The following MIB2 variants were observed in gnomAD, a reference collection of about 807,000 sequenced individuals.
MIB2 encodes E3 ubiquitin-protein ligase MIB2.
In MIB2, 78 loss-of-function variants were observed where a neutral mutation model predicts 96.6. That is an observed-to-expected ratio of 0.81 (90% CI 0.67 to 0.97). MIB2 has a LOEUF of 0.97. Ranked by LOEUF, MIB2 falls within the 50% of genes least tolerant of loss-of-function variation. The pLI, the probability that MIB2 is intolerant of heterozygous loss-of-function variation, is 0.00. For missense variants in MIB2, 1,543 were observed against 1,424.0 expected (o/e 1.08, Z -1.35); for synonymous variants, 820 against 629.5 (o/e 1.30, Z -4.53).
At chr1:1,620,837 G>A (rs1267205117) in intron 2 of MIB2, among the ~76,000 whole-genome samples, 1 of 152,240 alleles carries the variant, frequency 6.6e-6, no homozygotes, top group Non-Finnish European at 1.5e-5. Context: ...TGGGGCAGGA[G>A]GGAGTGACCT....
At chr1:1,620,064 G>A (rs919421075) in intron 2 of MIB2, among the ~76,000 whole-genome samples, 2 of 152,226 alleles carry the variant, frequency 1.3e-5, no homozygotes, top group Non-Finnish European at 2.9e-5. Flanking sequence ...TGACCTCCCC[G>A]ACATCTCTGC....
chr1:1,628,285 G>A lies in MIB2; in HGVS notation c.1854G>A (p.Lys618=). ...CCCTGCTCCACAGAGCTGTGAGAAA[G>A]ATTCTGGCTCGGGCGCGGCAGCTGG... is the stretch of plus-strand genomic sequence containing the variant. ...SLKGHALAVR[K]ILARARQLVD... Residue 618 remains lysine (K), a synonymous_variant, in exon 15 of 20, where the codon AAG becomes AAA. Transcript: ENST00000355826. The A allele has an allele frequency of 6.2e-7, 1 of 1,613,076 alleles. No homozygotes were observed. The highest frequency in any genetic ancestry group is 8.5e-7 in the Non-Finnish European group (1 of 1,179,976).
Position 1,623,450 on chromosome 1 carries a change from A to C in MIB2, c.-3A>C. 1 of 1,600,788 alleles carries C rather than the reference A, an allele frequency of 6.2e-7. No individual in the cohort carries two copies. The highest frequency in any genetic ancestry group is 8.5e-7 in the Non-Finnish European group (1 of 1,175,266). ...CCACAGGTCCCGAGCAGCCCCGCCC[A>C]ACATGGACCCAGACCCCCAGGCGGG... On this transcript the variant is annotated 5_prime_UTR_variant, in exon 3 of 20. Coordinates refer to ENST00000355826, the MANE Select transcript of MIB2 (RefSeq NM_001170687.4).
chr1:1,625,463 G>T lies in MIB2; in HGVS notation c.864+35G>T. The T allele has an allele frequency of 6.4e-7, 1 of 1,556,176 alleles. No homozygotes were observed. The highest frequency in any genetic ancestry group is 8.7e-7 in the Non-Finnish European group (1 of 1,149,252). ...CCCGCCGTGGAGCCCTGTGTGCCCT[G>T]CCCTCCCAGCCCTCCGCCCCCTCAG... On this transcript the variant is annotated intron_variant, in intron 7 of 19. Transcript: ENST00000355826. This position sits in a 1 kb window ranked among gnomAD's most constrained non-coding sequence, Gnocchi z 5.0.
chr1:1,629,391 G>A lies in MIB2; in HGVS notation c.2388G>A (p.Arg796=). The change falls in exon 18 of 20, where the codon CGG becomes CGA. Residue 796 remains arginine, a synonymous_variant. Coordinates refer to ENST00000355826, the MANE Select transcript of MIB2 (RefSeq NM_001170687.4). The stretch of plus-strand genomic sequence containing the variant: ...CCGCCTCCTCCCCCTGCAGGGAGCG[G>A]CAGGCGGGCGGGGGCGCGGCCCCGG... The part of the protein sequence containing the change: ...LQGCAQRFRE[R]QAGGGAAPGP... 2 of 1,443,318 alleles carry A rather than the reference G, an allele frequency of 1.4e-6. No individual in the cohort carries two copies. The highest frequency in any genetic ancestry group is 1.8e-6 in the Non-Finnish European group (2 of 1,111,268). The allele number at this position is 1,443,318 out of a possible 1,614,324, so 89.4% of individuals were successfully genotyped here.
At position 1,623,501 on chromosome 1, in the gene MIB2, C is replaced by T. The variant is rs913375237; in HGVS notation, c.49C>T (p.Arg17Cys). The T allele has an allele frequency of 3.8e-6, 6 of 1,567,848 alleles. No individual in the cohort carries two copies. Among genetic ancestry groups the T allele is most frequent in the East Asian group, 2.4e-5 (1 of 42,252 alleles). ...AGVQVGMRVV[R>C]GVDWKWGQQD... ...CGTGCAGGTGGGCATGCGGGTGGTG[C>T]GCGGCGTGGACTGGAAGTGGGGCCA... Residue 17 changes from arginine to cysteine, a missense_variant, in exon 3 of 20, where the codon CGC becomes TGC. By Grantham distance (180) the Arg-to-Cys change is radical. Coordinates refer to ENST00000355826, the MANE Select transcript of MIB2 (RefSeq NM_001170687.4).
In MIB2 at chr1:1,624,626, G is replaced by C. The variant is rs1338279958; in HGVS notation, c.420-169G>C. 1.3e-5 allele frequency: 9 copies of C among 696,540 alleles called. No individual in the cohort carries two copies. The East Asian group carries it at 2.4e-4, about 19-fold the overall frequency. 43.1% of individuals were successfully genotyped at this position (696,540 alleles called of 1,614,324 possible). A position where few individuals can be genotyped will look rare whatever the true frequency, so the allele number is the denominator to read the frequency against. The stretch of plus-strand genomic sequence containing the variant: ...GGGGCATTTCCTCACAGCGTGTGGA[G>C]GATGCTGACCTGCTGGACCGGCCAT... On this transcript the variant is annotated intron_variant, in intron 4 of 19. Coordinates refer to ENST00000355826, the MANE Select transcript of MIB2 (RefSeq NM_001170687.4).
At chr1:1,621,328 G>A (rs974837532) in intron 2 of MIB2, among the ~76,000 whole-genome samples, 4 of 152,352 alleles carry the variant, frequency 2.6e-5, no homozygotes, top group South Asian at 2.1e-4. Context: ...CCGCTCATGC[G>A]GAGGCCCAGC....
In MIB2 at chr1:1,629,699, G is replaced by T; in HGVS notation, c.2624G>T (p.Arg875Leu). 6.3e-7 allele frequency: 1 copy of T among 1,594,538 alleles called. No homozygotes were observed. ...RCQVVVSKKL[R>L]PDGSEVASAA... is the part of the protein sequence containing the mutation. ...CAGGTGGTCGTCAGCAAGAAACTGC[G>T]CCCAGGTGGGTGAGGCTCTGCGCCC... Residue 875 changes from arginine (R) to leucine (L), a missense_variant, in exon 19 of 20, where the codon CGC (arginine) becomes CTC (leucine). Transcript: ENST00000355826.
intron 17 of MIB2, 29 bp from the exon 18 acceptor site, chr1:1,629,356 C>T (rs749575587): frequency 3.5e-6 from 5 of 1,436,612 alleles, no homozygotes; most frequent in East Asian, 2.8e-5. Context: ...GCCTCCGGGC[C>T]CCTCTCAAGC....
Position 1,630,461 on chromosome 1 carries a change from C to T in MIB2, c.2799C>T (p.Cys933=). 6.3e-7 allele frequency: 1 copy of T among 1,593,544 alleles called. No individual in the cohort carries two copies. Among genetic ancestry groups the T allele is most frequent in the Non-Finnish European group, 8.5e-7 (1 of 1,173,656 alleles). Residue 933 remains cysteine, a synonymous_variant, in exon 20 of 20, where the codon TGC becomes TGT. Transcript: ENST00000355826. The part of the protein sequence containing the change: ...FQCGHGACAP[C]GSALSACPIC... ...GCGGCCACGGCGCATGCGCCCCCTG[C>T]GGCTCCGCGCTCAGCGCCTGCCCCA... is the stretch of plus-strand genomic sequence containing the variant.
Position 1,629,538 on chromosome 1 carries a change from G to A in MIB2, c.2535G>A (p.Ser845=), listed in dbSNP as rs1276897328. 2 of 1,546,706 alleles carry A rather than the reference G, an allele frequency of 1.3e-6. No homozygotes were observed. The highest frequency in any genetic ancestry group is 2.4e-5 in the East Asian group (1 of 40,836). ...AGCTGGCGCTGCTGGTGCTGTTCTC[G>A]CCGTGCCAGCACCGCACCGTGTGTG... ...CSELALLVLF[S]PCQHRTVCEE... is the part of the protein sequence containing the mutation. The change falls in exon 18 of 20, where the codon TCG becomes TCA. Residue 845 remains serine, a synonymous_variant. Transcript: ENST00000355826.
At chr1:1,630,045 A>G (rs1297647938) in intron 19 of MIB2, among the ~76,000 whole-genome samples, 11 of 18,858 alleles carry the variant, frequency 5.8e-4, no homozygotes, top group Non-Finnish European at 4.9e-4. Context: ...ACCCCGGCCC[A>G]GCTCACAGCC....
At position 1,627,734 on chromosome 1, in the gene MIB2, A is replaced by G. The variant is rs559333525; in HGVS notation, c.1585A>G (p.Ser529Gly). 1.3e-6 allele frequency: 2 copies of G among 1,595,902 alleles called. No homozygotes were observed. Among genetic ancestry groups the G allele is most frequent in the South Asian group, 2.2e-5 (2 of 90,492 alleles). ...TGGGTGCCGGGCGGACGCCATCAAC[A>G]GCACCCAGAGCACAGCACTGCACGT... The part of the protein sequence containing the change: ...SAGCRADAIN[S>G]TQSTALHVAV... Residue 529 changes from serine (S) to glycine (G), a missense_variant, in exon 13 of 20, where the codon AGC (serine) becomes GGC (glycine). Ser to Gly is a moderately conservative substitution (Grantham distance 56). Transcript: ENST00000355826.
chr1:1,616,533 G>A lies in MIB2; in HGVS notation c.-104G>A, dbSNP rs760145693. The A allele has an allele frequency of 5.6e-6, 9 of 1,601,446 alleles. No homozygotes were observed. In the South Asian group the frequency reaches 1.0e-4, roughly 18 times the overall value. ...GGTTGGAAGCCCAGCGAGGCTAGAG[G>A]CCAGTCCCAAAGTTTCCAGGCATCA... On this transcript the variant is annotated 5_prime_UTR_variant, in exon 2 of 20. Transcript: ENST00000355826.
At position 1,629,449 on chromosome 1, in the gene MIB2, G is replaced by A. The variant is rs1443224360; in HGVS notation, c.2446G>A (p.Val816Met). The A allele has an allele frequency of 7.8e-6, 11 of 1,403,404 alleles. No homozygotes were observed. In the African/African-American group the frequency reaches 1.6e-4, roughly 21 times the overall value. The allele number at this position is 1,403,404 out of a possible 1,614,324, so 86.9% of individuals were successfully genotyped here. A position where few individuals can be genotyped will look rare whatever the true frequency, so the allele number is the denominator to read the frequency against. The change falls in exon 18 of 20, where the codon GTG becomes ATG. Residue 816 changes from valine to methionine, a missense_variant. By Grantham distance (21) the Val-to-Met change is conservative. Coordinates refer to ENST00000355826, the MANE Select transcript of MIB2 (RefSeq NM_001170687.4). ...PRQTLGTPNT[V>M]TNLHVGAAPG... ...GCAAACGCTCGGGACCCCCAACACC[G>A]TGACGAACCTGCACGTGGGCGCCGC...
rs745902686 is a variant in MIB2, at chr1:1,626,774, C to G, written c.1077+20C>G. 113 of 1,568,226 alleles carry G rather than the reference C, an allele frequency of 7.2e-5. No individual in the cohort carries two copies. Among genetic ancestry groups the G allele is most frequent in the Non-Finnish European group, 9.5e-5 (110 of 1,160,236 alleles). ...GCCCCTGTGAGTCCCCCTGCCACCC[C>G]CGCCGCTAGCGCCGCTGCCCCCCAC... On this transcript the variant is annotated intron_variant, in intron 9 of 19. Coordinates refer to ENST00000355826, the MANE Select transcript of MIB2 (RefSeq NM_001170687.4). The surrounding 1 kb of genome is among the most constrained non-coding windows in gnomAD (Gnocchi z 5.3).
chr1:1,630,275 C>T lies in MIB2; in HGVS notation c.2630-17C>T. Reference sequence around the variant, plus strand: ...CCCACCCGGCCTCCCAGCTCACACCCGTCCCCCACCCCGCAGACGGCTCTG... The same window carrying T: ...CCCACCCGGCCTCCCAGCTCACACCTGTCCCCCACCCCGCAGACGGCTCTG... On this transcript the variant is annotated splice_polypyrimidine_tract_variant and intron_variant, in intron 19 of 19. Coordinates refer to ENST00000355826, the MANE Select transcript of MIB2 (RefSeq NM_001170687.4). 3 of 1,409,534 alleles carry T rather than the reference C, an allele frequency of 2.1e-6. No individual in the cohort carries two copies. The highest frequency in any genetic ancestry group is 1.3e-5 in the South Asian group (1 of 76,294). The allele number at this position is 1,409,534 out of a possible 1,614,324, so 87.3% of individuals were successfully genotyped here. A position where few individuals can be genotyped will look rare whatever the true frequency, so the allele number is the denominator to read the frequency against.
In MIB2 at chr1:1,625,963, A is replaced by C; in HGVS notation, c.972+310A>C. The C allele has an allele frequency of 9.3e-6, 4 of 431,528 alleles. No homozygotes were observed. Among genetic ancestry groups the C allele is most frequent in the Non-Finnish European group, 1.7e-5 (4 of 235,150 alleles). 26.7% of individuals were successfully genotyped at this position (431,528 alleles called of 1,614,324 possible). A position where few individuals can be genotyped will look rare whatever the true frequency, so the allele number is the denominator to read the frequency against. The stretch of plus-strand genomic sequence containing the variant: ...GCGGGAGGGAGGCGGCTGGGCTAAG[A>C]TGCTCCTGGTTAGTGCTGTATGGGG... On this transcript the variant is annotated intron_variant, in intron 8 of 19. Transcript: ENST00000355826. This position sits in a 1 kb window ranked among gnomAD's most constrained non-coding sequence, Gnocchi z 5.0.
Sources: allele counts gnomAD v4.1 joint callset (sites outside exome capture counted in the v4.1 genomes callset), GRCh38; gene constraint gnomAD v4.1.1; non-coding constraint Gnocchi (gnomAD v3.1); transcripts MANE v1.5; gene names NCBI Gene and HGNC (gene_info 2026-07-23, HGNC 2026-07-21).